ADGRA1: variants seen among roughly 807,000 people sequenced by gnomAD.
ADGRA1 encodes G-protein coupled receptor 123.
In ADGRA1, 12 loss-of-function variants were observed where a neutral mutation model predicts 21.3. The ratio of observed to expected loss-of-function variants is 0.56; its 90% CI spans 0.36 to 0.91. The LOEUF (loss-of-function observed/expected upper bound fraction) is 0.91. Among genes scored for constraint, ADGRA1 ranks in the 40% least tolerant of loss-of-function variants. The pLI is 0.01. For missense variants in ADGRA1, 790 were observed against 805.6 expected (o/e 0.98, Z 0.23); for synonymous variants, 385 against 368.8 (o/e 1.04, Z -0.50).
At chr10:133,125,932 T>C (rs190789222) in intron 5 of ADGRA1, among the ~76,000 whole-genome samples, 15 of 152,346 alleles carry the variant, frequency 9.8e-5, no homozygotes, top group African/African-American at 3.1e-4. Flanking sequence ...AAGGCACTGC[T>C]AAAGTTCTCT....
chr10:133,105,714 C>T lies in ADGRA1; in HGVS notation c.401+2872C>T, dbSNP rs532208144. Among the ~76,000 whole-genome samples, 24 of 152,330 alleles carry T rather than the reference C, an allele frequency of 1.6e-4. 2 individuals are homozygous for T. The South Asian group carries it at 2.5e-3, about 16-fold the overall frequency. Reference sequence around the variant, plus strand: ...TGGTCAGCAGAGGGGGCGGACACCCCCCAAGACCCCCAACTCTGCAGGGAT... The same window carrying T: ...TGGTCAGCAGAGGGGGCGGACACCCTCCAAGACCCCCAACTCTGCAGGGAT... On this transcript the variant is annotated intron_variant, in intron 5 of 6. Transcript: ENST00000392607.
intron 2 of ADGRA1, among the ~76,000 whole-genome samples, chr10:133,093,489 C>T (rs145157959): frequency 6.8e-4 from 103 of 152,354 alleles, no homozygotes; most frequent in African/African-American, 2.3e-3. Flanking sequence ...CACACGCTGG[C>T]GGGACTGTTG....
Position 133,102,753 on chromosome 10 carries a change from C to A in ADGRA1, c.312C>A (p.Thr104=). The A allele has an allele frequency of 6.2e-7, 1 of 1,612,730 alleles. No homozygotes were observed. Among genetic ancestry groups the A allele is most frequent in the Non-Finnish European group, 8.5e-7 (1 of 1,179,818 alleles). Residue 104 remains threonine (T), a synonymous_variant, in exon 5 of 7, where the codon ACC becomes ACA. Coordinates refer to ENST00000392607, the MANE Select transcript of ADGRA1 (RefSeq NM_001083909.3). ...CCACCATGCTGTGGATAGGAGTGAC[C>A]GCCAGGAACATCTACAAGCAGGTGA... ...TLSTMLWIGV[T]ARNIYKQVTK... is the part of the protein sequence containing the mutation.
intron 1 of ADGRA1, 90 bp downstream of exon 1, chr10:133,088,228 G>A (rs1159556447): frequency 1.0e-5 from 5 of 494,830 alleles, no homozygotes; most frequent in Non-Finnish European, 1.0e-5. Context: ...GACACTGGCC[G>A]CGAGGAAAGC....
intron 5 of ADGRA1, among the ~76,000 whole-genome samples, chr10:133,126,588 G>A (rs1019689822): frequency 2.0e-5 from 3 of 152,190 alleles, no homozygotes; most frequent in Admixed American, 1.3e-4. Context: ...CACCCGGTCC[G>A]GGACACGCTG....
chr10:133,107,367 C>G (rs1851912660), intron 5 of ADGRA1, among the ~76,000 whole-genome samples: 1 of 152,180 alleles, frequency 6.6e-6, no homozygotes, highest in South Asian at 2.1e-4. Flanking sequence ...GCTACAACTT[C>G]CAATACAAAA....
chr10:133,098,912 T>C, intron 4 of ADGRA1, 149 bp downstream of exon 4: 1 of 1,124,938 alleles, frequency 8.9e-7, no homozygotes. Context: ...CTTCACGCCA[T>C]GCAAGTCCAC....
At chr10:133,089,452 C>A (rs943448928) in intron 2 of ADGRA1, among the ~76,000 whole-genome samples, 36 of 152,370 alleles carry the variant, frequency 2.4e-4, no homozygotes, top group African/African-American at 8.7e-4. Flanking sequence ...TCGTGGCTGG[C>A]AGCTGGCTGG....
chr10:133,114,161 G>A lies in ADGRA1; in HGVS notation c.401+11319G>A, dbSNP rs567095793. Among the ~76,000 whole-genome samples, 24 of 152,308 alleles carry A rather than the reference G, an allele frequency of 1.6e-4. 1 individual carries two copies. The highest frequency in any genetic ancestry group is 5.3e-4 in the African/African-American group (22 of 41,554). ...GGGAACAGCACCAAGCCCAGTGCCC[G>A]CACACTTAGCTCCCCTGAGCAGGAG... On this transcript the variant is annotated intron_variant, in intron 5 of 6. Transcript: ENST00000392607.
In ADGRA1 at chr10:133,129,192, G is replaced by GC. The variant is rs1202605317; in HGVS notation, c.1371dup (p.Ser458GlnfsTer31). On this transcript the variant is annotated frameshift_variant, in exon 7 of 7. Transcript: ENST00000392607. LOFTEE classifies it low-confidence loss of function (END_TRUNC). ...AGCCCCCGCAGCTCGCGCACAGACA[G>GC]CCCCCCCAGCTCTCTGGATGGCCCG... 8 of 1,550,224 alleles carry GC rather than the reference G, an allele frequency of 5.2e-6. No homozygotes were observed. The highest frequency in any genetic ancestry group is 2.4e-5 in the East Asian group (1 of 40,938).
chr10:133,090,399 G>A (rs776689496), intron 2 of ADGRA1, among the ~76,000 whole-genome samples: 1 of 152,042 alleles, frequency 6.6e-6, no homozygotes, highest in South Asian at 2.1e-4. Flanking sequence ...TGCTGAGCTC[G>A]ATCTGCCTGG....
chr10:133,098,003 G>A (rs1395607267), intron 3 of ADGRA1, among the ~76,000 whole-genome samples: 1 of 152,200 alleles, frequency 6.6e-6, no homozygotes. Flanking sequence ...ACCAACTCGG[G>A]GGGAGGCAGA....
intron 5 of ADGRA1, among the ~76,000 whole-genome samples, chr10:133,110,297 CTG>C (rs1452881381): frequency 6.6e-6 from 1 of 152,284 alleles, no homozygotes; most frequent in African/African-American, 2.4e-5. Flanking sequence ...CAGGTCACTC[CTG>C]TGTGCTCTGC....
intron 5 of ADGRA1, 84 bp downstream of exon 5, chr10:133,102,926 A>C: frequency 1.1e-4 from 153 of 1,394,704 alleles, no homozygotes; most frequent in Middle Eastern, 2.3e-4. Flanking sequence ...AAACCTTCTC[A>C]CCAGGCCACC....
At chr10:133,122,983 T>C (rs1224363804) in intron 5 of ADGRA1, among the ~76,000 whole-genome samples, 4 of 152,234 alleles carry the variant, frequency 2.6e-5, no homozygotes, top group South Asian at 4.1e-4. Context: ...CCTGTAACCG[T>C]CGGTAGCTGG....
At chr10:133,105,095 C>A (rs1472134486) in intron 5 of ADGRA1, among the ~76,000 whole-genome samples, 1 of 152,258 alleles carries the variant, frequency 6.6e-6, no homozygotes, top group Non-Finnish European at 1.5e-5. Flanking sequence ...ATGGCCCACA[C>A]GTTATCCACG....
intron 2 of ADGRA1, among the ~76,000 whole-genome samples, chr10:133,089,782 G>A (rs569541080): frequency 5.1e-4 from 77 of 152,360 alleles, no homozygotes; most frequent in African/African-American, 1.8e-3. Context: ...CAAGAGAGAT[G>A]CCTTTGCCAA....
Position 133,131,627 on chromosome 10 carries a change from C to T in ADGRA1, c.*2116C>T, listed in dbSNP as rs1852528746. 1 of 152,504 alleles carries T rather than the reference C, an allele frequency of 6.6e-6. No individual in the cohort carries two copies. Among genetic ancestry groups the T allele is most frequent in the Non-Finnish European group, 1.5e-5 (1 of 68,114 alleles). 9.4% of individuals were successfully genotyped at this position (152,504 alleles called of 1,614,324 possible). A position where few individuals can be genotyped will look rare whatever the true frequency, so the allele number is the denominator to read the frequency against. On this transcript the variant is annotated 3_prime_UTR_variant, in exon 7 of 7. Transcript: ENST00000392607. ...GCAGAGAGGCGTCCCACCATTCAAC[C>T]AAAGAAAGTCAACATTGAACATTAA...
At chr10:133,097,244 C>T in intron 3 of ADGRA1, 143 bp downstream of exon 3, 1 of 981,182 alleles carries the variant, frequency 1.0e-6, no homozygotes. Flanking sequence ...CCAGCTAGCT[C>T]AGACCCGCTC....
Sources: allele counts gnomAD v4.1 joint callset (sites outside exome capture counted in the v4.1 genomes callset), GRCh38; gene constraint gnomAD v4.1.1; transcripts MANE v1.5; gene names NCBI Gene and HGNC (gene_info 2026-07-23, HGNC 2026-07-21).